Variants in MYO10 observed in about 807,000 individuals in gnomAD.
The protein encoded by MYO10 is myosin X, also known as unconventional myosin-X.
A neutral mutation model predicts 257.3 loss-of-function variants in MYO10; 133 were observed. The ratio of observed to expected loss-of-function variants is 0.52; its 90% CI spans 0.45 to 0.60. MYO10 has a LOEUF of 0.60. MYO10 is among the 20% of genes least tolerant of loss of function. The pLI is 0.00. For missense variants in MYO10, 2,399 were observed against 2,635.7 expected, an observed-to-expected ratio of 0.91 and a Z score of 1.97; for synonymous variants, 1,104 against 1,028.6, an observed-to-expected ratio of 1.07 and a Z score of -1.40.
intron 9 of MYO10, among the ~76,000 whole-genome samples, chr5:16,778,374 C>T (rs1741286824): frequency 6.6e-6 from 1 of 152,150 alleles, no homozygotes; most frequent in East Asian, 1.9e-4. Flanking sequence ...TCACAAGCCA[C>T]GAGGGCTGGA....
intron 19 of MYO10, among the ~76,000 whole-genome samples, chr5:16,737,438 T>A (rs137865401): frequency 5.7e-4 from 87 of 152,210 alleles, no homozygotes; most frequent in Admixed American, 2.2e-3. Context: ...CCATTTCCCA[T>A]CTCCTAACAC....
chr5:16,743,365 G>A (rs1216794477), intron 19 of MYO10, among the ~76,000 whole-genome samples: 1 of 151,760 alleles, frequency 6.6e-6, no homozygotes, highest in Non-Finnish European at 1.5e-5. Flanking sequence ...ATTCTCAGCT[G>A]GACACGGTGG....
At chr5:16,760,378 G>A (rs542346277) in intron 17 of MYO10, among the ~76,000 whole-genome samples, 31 of 150,440 alleles carry the variant, frequency 2.1e-4, no homozygotes, top group African/African-American at 5.6e-4. Context: ...GGAGAATGGC[G>A]TGAACCTGGG....
Position 16,689,882 on chromosome 5 carries a change from C to T in MYO10, c.3838G>A (p.Asp1280Asn), listed in dbSNP as rs773515579. Residue 1280 changes from aspartate (D) to asparagine (N), a missense_variant, in exon 28 of 41, where the codon GAC becomes AAC. Physicochemically the swap from Asp to Asn is conservative, Grantham distance 23 (BLOSUM62 1). Transcript: ENST00000513610. ...IDNTTKENGIDIIMADRTFHL... is the reference protein window; with the variant it reads ...IDNTTKENGINIIMADRTFHL... ...AAAGTCCTATCGGCCATAATGATGT[C>T]GATCCCATTCTCCTTGGTGGTGTTA... 6.2e-6 allele frequency: 10 copies of T among 1,613,594 alleles called. No homozygotes were observed. Among genetic ancestry groups the T allele is most frequent in the Admixed American group, 3.3e-5 (2 of 59,964 alleles).
intron 1 of MYO10, among the ~76,000 whole-genome samples, chr5:16,889,233 C>T (rs987795487): frequency 1.7e-4 from 25 of 149,718 alleles, no homozygotes; most frequent in South Asian, 8.5e-4. Flanking sequence ...TGGTGAAACC[C>T]CATCTCTATT....
rs76498107 is a variant in MYO10 at position 16,721,560 on chromosome 5, G to A, written c.1930-10315C>T. Reference sequence around the variant, plus strand: ...TTCCCCTAGAGAAGAGGCAACCCCCGCAGGTGAGGAACAGGAAGGTAGTAA... The same window carrying A: ...TTCCCCTAGAGAAGAGGCAACCCCCACAGGTGAGGAACAGGAAGGTAGTAA... On this transcript the variant is annotated intron_variant, in intron 19 of 40. Transcript: ENST00000513610. Among the ~76,000 whole-genome samples the A allele has an allele frequency of 1.6e-4, 25 of 152,250 alleles. No homozygotes were observed. The East Asian group carries it at 2.7e-3, about 16-fold the overall frequency.
chr5:16,710,559 T>C (rs1256852507), intron 21 of MYO10: 1 of 267,236 alleles, frequency 3.7e-6, no homozygotes, highest in Non-Finnish European at 7.3e-6. Context: ...AGAAGGGTCT[T>C]GGGGTATCGC....
At chr5:16,860,751 G>A (rs145198809) in intron 2 of MYO10, among the ~76,000 whole-genome samples, 2 of 152,184 alleles carry the variant, frequency 1.3e-5, no homozygotes, top group African/African-American at 2.4e-5. Context: ...CGTGATGAAC[G>A]ATGGGTGGGT....
At chr5:16,677,616 C>T (rs866549147) in intron 33 of MYO10, among the ~76,000 whole-genome samples, 8 of 151,490 alleles carry the variant, frequency 5.3e-5, no homozygotes, top group African/African-American at 1.9e-4. Flanking sequence ...GGGGTTTCAC[C>T]GTGTTAGCCA....
At chr5:16,861,332 G>A (rs751807915) in intron 2 of MYO10, among the ~76,000 whole-genome samples, 9 of 151,618 alleles carry the variant, frequency 5.9e-5, no homozygotes, top group Admixed American at 3.3e-4. Flanking sequence ...TTGGGAGGCC[G>A]AGGCAAGTGG....
intron 1 of MYO10, among the ~76,000 whole-genome samples, chr5:16,925,823 C>A (rs2625181): frequency 0.45 from 68,075 of 151,652 alleles, 15,576 homozygotes; most frequent in African/African-American, 0.53. Flanking sequence ...CTCACATAGA[C>A]TGCCTGGTTA....
chr5:16,773,519 T>C (rs909372904), intron 9 of MYO10, among the ~76,000 whole-genome samples: 5 of 151,964 alleles, frequency 3.3e-5, no homozygotes, highest in Non-Finnish European at 7.4e-5. Context: ...AAAATTCGCC[T>C]AGTGTGCTGG....
intron 11 of MYO10, 38 bp downstream of exon 11, chr5:16,766,042 G>A (rs1468665127): frequency 1.4e-6 from 2 of 1,458,856 alleles, no homozygotes; most frequent in Non-Finnish European, 1.9e-6. Context: ...ACCCAGGAGT[G>A]TCTAGTAACG....
chr5:16,772,444 T>TTA (rs1457656296), intron 9 of MYO10, among the ~76,000 whole-genome samples: 10 of 152,356 alleles, frequency 6.6e-5, no homozygotes, highest in East Asian at 5.8e-4. Flanking sequence ...ATGGTATACT[T>TTA]TTTAAAGAAA....
At position 16,675,019 on chromosome 5, in the gene MYO10, G is replaced by A. The variant is rs779142199; in HGVS notation, c.4798C>T (p.Arg1600Ter). Residue 1600 changes from arginine to a stop codon, truncating the protein, a stop_gained, in exon 35 of 41, where the codon CGA becomes TGA. Coordinates refer to ENST00000513610, the MANE Select transcript of MYO10 (RefSeq NM_012334.3). LOFTEE classifies it high-confidence loss of function. The stretch of plus-strand genomic sequence containing the variant: ...CAGTACAGCTCGTCCCGCAGAGGTC[G>A]CAGGTCATGCCCTGTCTGTAGGATG... The part of the protein sequence containing the change: ...QGILQTGHDL[R>*]PLRDELYCQL... 7 of 1,613,980 alleles carry A rather than the reference G, an allele frequency of 4.3e-6. No homozygotes were observed. Among genetic ancestry groups the A allele is most frequent in the East Asian group, 2.2e-5 (1 of 44,876 alleles).
chr5:16,898,161 T>C (rs1487814746), intron 1 of MYO10, among the ~76,000 whole-genome samples: 1 of 152,070 alleles, frequency 6.6e-6, no homozygotes, highest in African/African-American at 2.4e-5. Flanking sequence ...GATAAAGCTT[T>C]CGGGAGCCCC....
intron 2 of MYO10, among the ~76,000 whole-genome samples, chr5:16,823,534 C>G (rs1254525649): frequency 2.5e-5 from 3 of 122,216 alleles, no homozygotes; most frequent in African/African-American, 9.3e-5. Context: ...TGCAGTGGCA[C>G]AATCTCGGCT....
At chr5:16,719,648 A>G (rs550339710) in intron 19 of MYO10, among the ~76,000 whole-genome samples, 1 of 152,330 alleles carries the variant, frequency 6.6e-6, no homozygotes, top group East Asian at 1.9e-4. Flanking sequence ...GTAAAAGTAA[A>G]CAATTATTTT....
At chr5:16,713,519 T>C (rs1738714237) in intron 19 of MYO10, 1 of 978,590 alleles carries the variant, frequency 1.0e-6, no homozygotes, top group Admixed American at 6.2e-5. Flanking sequence ...GGCTAATTAG[T>C]GTGGTGTGGT....
Sources: allele counts gnomAD v4.1 joint callset (sites outside exome capture counted in the v4.1 genomes callset), GRCh38; gene constraint gnomAD v4.1.1; transcripts MANE v1.5; gene names NCBI Gene and HGNC (gene_info 2026-07-23, HGNC 2026-07-21).